The following SCLT1 variants were observed in gnomAD, a reference collection of about 807,000 sequenced individuals.
SCLT1 encodes the protein sodium channel-associated protein 1.
Under a neutral mutation model 112.8 loss-of-function variants are expected in SCLT1, and 78 were observed. That is an observed-to-expected ratio of 0.69 (90% CI 0.58 to 0.83). The LOEUF (loss-of-function observed/expected upper bound fraction) is 0.83, where lower values mean the gene tolerates loss of function less well. Ranked by LOEUF, SCLT1 falls within the 40% of genes least tolerant of loss-of-function variation. The pLI, the probability that SCLT1 is intolerant of heterozygous loss-of-function variation, is 0.00. For missense variants in SCLT1, 747 were observed against 770.4 expected (o/e 0.97, Z 0.36); for synonymous variants, 257 against 254.7 (o/e 1.01, Z -0.09).
chr4:128,953,827 A>C (rs1738989060), intron 13 of SCLT1, among the ~76,000 whole-genome samples: 1 of 151,512 alleles, frequency 6.6e-6, no homozygotes, highest in South Asian at 2.1e-4. Flanking sequence ...AACAAAAAAA[A>C]AACTTTAAAG....
At chr4:129,015,538 A>C (rs1480270938) in intron 5 of SCLT1, among the ~76,000 whole-genome samples, 1 of 152,106 alleles carries the variant, frequency 6.6e-6, no homozygotes, top group African/African-American at 2.4e-5. Flanking sequence ...TAAGTCTCCT[A>C]AGAGAGCAAG....
chr4:129,028,908 C>G (rs1336477019), intron 5 of SCLT1, among the ~76,000 whole-genome samples: 1 of 151,988 alleles, frequency 6.6e-6, no homozygotes, highest in East Asian at 1.9e-4. Context: ...TTTATGCAGC[C>G]AAAAAGCATG....
intron 5 of SCLT1, chr4:129,037,207 A>G (rs1747257735): frequency 6.6e-6 from 1 of 152,058 alleles, no homozygotes; most frequent in South Asian, 2.1e-4. Flanking sequence ...CAGTCTGGGA[A>G]TATACATTTG....
rs1215147511 is a variant in SCLT1 at position 128,993,903 on chromosome 4, ATAATC to A, written c.616-1671_616-1667del. ...GCAAACCTATGGGAAATGTAAAATT[ATAATC>A]TATCTACAGCATAATAAATAGAAAT... On this transcript the variant is annotated intron_variant, in intron 8 of 20. Coordinates refer to ENST00000281142, the MANE Select transcript of SCLT1 (RefSeq NM_144643.4). Among the ~76,000 whole-genome samples the A allele has an allele frequency of 3.8e-3, 572 of 152,184 alleles. 1 individual carries two copies. Among genetic ancestry groups the A allele is most frequent in the African/African-American group, 0.011 (473 of 41,576 alleles).
At chr4:128,915,545 T>C (rs1264041488) in intron 18 of SCLT1, among the ~76,000 whole-genome samples, 2 of 152,210 alleles carry the variant, frequency 1.3e-5, no homozygotes, top group Non-Finnish European at 2.9e-5. Context: ...GGTACAATTA[T>C]GGGAATTCAA....
At chr4:129,058,986 G>A (rs1749706559) in intron 2 of SCLT1, among the ~76,000 whole-genome samples, 1 of 152,054 alleles carries the variant, frequency 6.6e-6, no homozygotes. Flanking sequence ...TCAGGAAGGA[G>A]GATATAATTG....
At chr4:129,032,907 T>C (rs1296467117) in intron 5 of SCLT1, among the ~76,000 whole-genome samples, 4 of 152,126 alleles carry the variant, frequency 2.6e-5, no homozygotes, top group Admixed American at 6.5e-5. Flanking sequence ...AGTTCAACCA[T>C]TGTGGAAGAC....
intron 18 of SCLT1, among the ~76,000 whole-genome samples, chr4:128,901,114 A>G (rs1201532470): frequency 1.3e-5 from 2 of 152,150 alleles, no homozygotes; most frequent in South Asian, 2.1e-4. Context: ...TCAGTGAGGC[A>G]ATTCCTCAGG....
At chr4:129,055,218 C>T (rs62316971) in intron 2 of SCLT1, among the ~76,000 whole-genome samples, 1 of 151,998 alleles carries the variant, frequency 6.6e-6, no homozygotes, top group African/African-American at 2.4e-5. Context: ...GTTGGGAGAT[C>T]TTTCCCAGTC....
intron 9 of SCLT1, among the ~76,000 whole-genome samples, chr4:128,981,485 GTCTTTCCAGGTTTT>G (rs1488736717): frequency 6.6e-6 from 1 of 152,114 alleles, no homozygotes; most frequent in East Asian, 1.9e-4. Context: ...CTTTTAAGAT[GTCTTTCCAGGTTTT>G]TGCATTTCTG....
intron 1 of SCLT1, among the ~76,000 whole-genome samples, chr4:129,082,657 C>T (rs1752044383): frequency 6.6e-6 from 1 of 152,156 alleles, no homozygotes; most frequent in African/African-American, 2.4e-5. Context: ...TGCTGGCTTG[C>T]TCTTCGGGTT....
At chr4:128,904,947 A>T (rs1295759733) in intron 18 of SCLT1, among the ~76,000 whole-genome samples, 1 of 152,110 alleles carries the variant, frequency 6.6e-6, no homozygotes, top group East Asian at 1.9e-4. Context: ...GGTCAGTGTT[A>T]GGTTCTTTCT....
downstream of SCLT1, among the ~76,000 whole-genome samples, chr4:128,879,361 C>T (rs938464801): frequency 6.6e-6 from 1 of 151,982 alleles, no homozygotes; most frequent in African/African-American, 2.4e-5. Context: ...CCTCCTGACC[C>T]AGATGAATTA....
chr4:128,962,443 G>A (rs899720660), intron 11 of SCLT1, among the ~76,000 whole-genome samples: 6 of 152,094 alleles, frequency 3.9e-5, no homozygotes, highest in African/African-American at 9.7e-5. Context: ...AAGAACAGAC[G>A]TTAATTGTAT....
chr4:129,002,907 C>A (rs112345463), intron 6 of SCLT1, among the ~76,000 whole-genome samples: 1 of 152,030 alleles, frequency 6.6e-6, no homozygotes, highest in Non-Finnish European at 1.5e-5. Context: ...CTAGAAATAC[C>A]ATTTGATCCA....
At chr4:129,011,425 G>A (rs1399723325) in intron 5 of SCLT1, among the ~76,000 whole-genome samples, 1 of 152,058 alleles carries the variant, frequency 6.6e-6, no homozygotes, top group Admixed American at 6.5e-5. Context: ...GATGATGTTG[G>A]CCTCATAAAA....
intron 7 of SCLT1, among the ~76,000 whole-genome samples, chr4:128,998,205 T>C (rs1743172325): frequency 6.6e-6 from 1 of 151,990 alleles, no homozygotes; most frequent in African/African-American, 2.4e-5. Flanking sequence ...TATTAAATAT[T>C]ATTTTAAAAC....
At chr4:129,013,579 G>T (rs1034779231) in intron 5 of SCLT1, among the ~76,000 whole-genome samples, 1 of 152,082 alleles carries the variant, frequency 6.6e-6, no homozygotes, top group Non-Finnish European at 1.5e-5. Context: ...GTTTGGTTTG[G>T]CTGGATATTA....
At chr4:129,029,632 C>G (rs1314430872) in intron 5 of SCLT1, among the ~76,000 whole-genome samples, 4 of 151,660 alleles carry the variant, frequency 2.6e-5, no homozygotes, top group African/African-American at 7.3e-5. Context: ...ACATACGTAA[C>G]CAATCTGCAC....
Sources: gnomAD v4.1 joint callset for allele counts (sites outside exome capture counted in the v4.1 genomes callset) on GRCh38, gnomAD v4.1.1 for gene constraint, MANE v1.5 for transcripts, NCBI Gene and HGNC (gene_info 2026-07-23, HGNC 2026-07-21) for gene names.